Variants in GANAB observed in about 807,000 individuals in gnomAD.
GANAB encodes the protein glucosidase II alpha subunit.
GANAB carries 35 observed loss-of-function variants against 129.9 expected under a neutral mutation model. That is an observed-to-expected ratio of 0.27 (90% confidence interval 0.21 to 0.36). The LOEUF is 0.36. Ranked by LOEUF, GANAB falls within the 10% of genes least tolerant of loss-of-function variation. The pLI is 1.00. For synonymous variants in GANAB, 482 were observed against 451.8 expected (o/e 1.07, Z -0.85); for missense variants, 939 against 1,221.0 (o/e 0.77, Z 3.44).
chr11:62,627,071 C>G lies in GANAB; in HGVS notation c.2299G>C (p.Val767Leu), dbSNP rs1020057727. ...VSDSGAHGVQ[V>L]YLPGQGEVWY... ...ACCTCCCCTTGGCCAGGCAGATAGACCTGGACACCATGGGCTCCAGAGTCT... is the reference window on the plus strand; with the variant it reads ...ACCTCCCCTTGGCCAGGCAGATAGAGCTGGACACCATGGGCTCCAGAGTCT... Residue 767 changes from valine (V) to leucine (L), a missense_variant, in exon 19 of 24, where the codon GTC (valine) becomes CTC (leucine). By Grantham distance (32) the Val-to-Leu change is conservative (BLOSUM62 1). Transcript: ENST00000356638. 3.3e-5 allele frequency: 54 copies of G among 1,613,842 alleles called. No homozygotes were observed. Among genetic ancestry groups the G allele is most frequent in the Non-Finnish European group, 4.3e-5 (51 of 1,179,852 alleles).
rs180823495 is a variant in GANAB at position 62,631,869 on chromosome 11, A to G, written c.997-686T>C. On this transcript the variant is annotated intron_variant, in intron 9 of 23. Coordinates refer to ENST00000356638, the MANE Select transcript of GANAB (RefSeq NM_198334.3). ...TGGCCTCAAGCGATCCTCTTGCCTC[A>G]GCCTCCCCAAGTGCTGGGATTACAG... 3.4e-3 allele frequency among the ~76,000 whole-genome samples: 516 copies of G among 151,920 alleles called. 2 individuals carry two copies. The highest frequency in any genetic ancestry group is 0.014 in the Middle Eastern group (4 of 294).
intron 1 of GANAB, among the ~76,000 whole-genome samples, chr11:62,642,411 A>C (rs974106962): frequency 6.6e-6 from 1 of 151,372 alleles, no homozygotes; most frequent in Non-Finnish European, 1.5e-5. Flanking sequence ...ATTTTAACTT[A>C]ATCAGAGAGA....
chr11:62,634,243 C>G, intron 5 of GANAB: 1 of 1,091,472 alleles, frequency 9.2e-7, no homozygotes, highest in Non-Finnish European at 1.4e-6. Context: ...CACCTCCCCC[C>G]AAAGGCTAGA....
chr11:62,642,679 G>A (rs895321001), intron 1 of GANAB, among the ~76,000 whole-genome samples: 11 of 152,110 alleles, frequency 7.2e-5, no homozygotes, highest in Middle Eastern at 3.4e-3. Flanking sequence ...AGATCCGCCC[G>A]TCTCAGTCTC....
intron 19 of GANAB, 49 bp from the exon 20 acceptor site, chr11:62,626,983 G>A (rs759537157): frequency 1.1e-5 from 18 of 1,566,774 alleles, no homozygotes; most frequent in Non-Finnish European, 1.6e-5. Flanking sequence ...GTGCACAGGG[G>A]TCCCGTCCTG....
In GANAB at chr11:62,625,205, C is replaced by T. The variant is rs1943307402; in HGVS notation, c.*610G>A. The T allele has an allele frequency of 2.2e-6, 1 of 454,432 alleles. No homozygotes were observed. Among genetic ancestry groups the T allele is most frequent in the Non-Finnish European group, 4.4e-6 (1 of 226,770 alleles). 28.1% of individuals were successfully genotyped at this position (454,432 alleles called of 1,614,324 possible). On this transcript the variant is annotated 3_prime_UTR_variant, in exon 24 of 24. Transcript: ENST00000356638. ...CCCTCTAAGAATTGCAGCAGCTCTA[C>T]AAGGAATCGGGGAGAGGAAAAGGGT...
At position 62,629,823 on chromosome 11, in the gene GANAB, G is replaced by A. The variant is rs1327852317; in HGVS notation, c.1728C>T (p.Gly576=). 1.2e-6 allele frequency: 2 copies of A among 1,614,124 alleles called. No homozygotes were observed. Among genetic ancestry groups the A allele is most frequent in the South Asian group, 1.1e-5 (1 of 91,090 alleles). The part of the protein sequence containing the change: ...WEHRDVHNIY[G]LYVHMATADG... ...TCTCTCAGGCCCTTACCACATAAAGGCCATAGATGTTATGCACATCCCGGT... is the reference window on the plus strand; with the variant it reads ...TCTCTCAGGCCCTTACCACATAAAGACCATAGATGTTATGCACATCCCGGT... Residue 576 remains glycine (G), a synonymous_variant, in exon 14 of 24, where the codon GGC becomes GGT. Coordinates refer to ENST00000356638, the MANE Select transcript of GANAB (RefSeq NM_198334.3).
In GANAB at chr11:62,628,999, G is replaced by A. The variant is rs778913348; in HGVS notation, c.1950C>T (p.Gly650=). The change falls in exon 17 of 24, where the codon GGC becomes GGT. Residue 650 remains glycine (G), a synonymous_variant. Coordinates refer to ENST00000356638, the MANE Select transcript of GANAB (RefSeq NM_198334.3). ...GLSFCGADVG[G]FFKNPEPELL... ...GCTCTGGCTCTGGGTTTTTGAAGAA[G>A]CCACCCACATCCGCTGGTAGAGGAG... 5 of 1,612,866 alleles carry A rather than the reference G, an allele frequency of 3.1e-6. No individual in the cohort carries two copies. In the South Asian group the frequency reaches 4.4e-5, roughly 14 times the overall value.
rs544620339 is a variant in GANAB, at chr11:62,632,987, T to C, written c.815+18A>G. ...TTCCTGCCCACCTCCATCTTCCTGA[T>C]GTCACCATAGGACTCACTCAGTGAC... is the stretch of plus-strand genomic sequence containing the variant. On this transcript the variant is annotated intron_variant, in intron 8 of 23. Transcript: ENST00000356638. The C allele has an allele frequency of 6.9e-7, 1 of 1,448,898 alleles. No homozygotes were observed. The highest frequency in any genetic ancestry group is 2.3e-5 in the East Asian group (1 of 44,100). The allele number at this position is 1,448,898 out of a possible 1,614,324, so 89.8% of individuals were successfully genotyped here. A position where few individuals can be genotyped will look rare whatever the true frequency, so the allele number is the denominator to read the frequency against.
rs1178933045 is a variant in GANAB, at chr11:62,628,795, G to A, written c.2154C>T (p.Ala718=). Residue 718 remains alanine, a synonymous_variant, in exon 17 of 24, where the codon GCC becomes GCT. Transcript: ENST00000356638. The part of the protein sequence containing the change: ...LPFWYTLLYQ[A]HREGIPVMRP... ...TCATGACAGGAATGCCTTCCCGATGGGCCTGATATAAGAGGGTGTACCAGA... is the reference window on the plus strand; with the variant it reads ...TCATGACAGGAATGCCTTCCCGATGAGCCTGATATAAGAGGGTGTACCAGA... The A allele has an allele frequency of 1.9e-6, 3 of 1,613,826 alleles. No homozygotes were observed. Among genetic ancestry groups the A allele is most frequent in the African/African-American group, 2.7e-5 (2 of 74,866 alleles).
intron 4 of GANAB, among the ~76,000 whole-genome samples, chr11:62,636,366 C>T (rs527894897): frequency 1.2e-4 from 18 of 151,912 alleles, no homozygotes; most frequent in South Asian, 2.1e-4. Context: ...TTTGGGAGGC[C>T]GAGGCAGGTG....
At chr11:62,627,713 G>A (rs1334337489) in intron 17 of GANAB, among the ~76,000 whole-genome samples, 1 of 151,958 alleles carries the variant, frequency 6.6e-6, no homozygotes, top group Non-Finnish European at 1.5e-5. Context: ...CAGCCTGGGG[G>A]ACGAGAGTGA....
rs1436997854 is a variant in GANAB, at chr11:62,625,118, T to C, written c.*697A>G. On this transcript the variant is annotated 3_prime_UTR_variant, in exon 24 of 24. Coordinates refer to ENST00000356638, the MANE Select transcript of GANAB (RefSeq NM_198334.3). Reference sequence around the variant, plus strand: ...CAAGAAGGGGGCAAAAGAAGTTTAATGCGCATCCCCTAAGAGGTGTGGAAA... The same window carrying C: ...CAAGAAGGGGGCAAAAGAAGTTTAACGCGCATCCCCTAAGAGGTGTGGAAA... 9.5e-6 allele frequency: 4 copies of C among 419,694 alleles called. No homozygotes were observed. Among genetic ancestry groups the C allele is most frequent in the African/African-American group, 4.1e-5 (2 of 48,596 alleles). The allele number at this position is 419,694 out of a possible 1,614,324, so 26.0% of individuals were successfully genotyped here. A position where few individuals can be genotyped will look rare whatever the true frequency, so the allele number is the denominator to read the frequency against.
At position 62,625,733 on chromosome 11, in the gene GANAB, G is replaced by A; in HGVS notation, c.*82C>T. On this transcript the variant is annotated 3_prime_UTR_variant, in exon 24 of 24. Coordinates refer to ENST00000356638, the MANE Select transcript of GANAB (RefSeq NM_198334.3). ...CTAGCATAAGTGAAGTCTGGGGAGGGCCGAACTCCAAGGCAGAAGAAAGAA... is the reference window on the plus strand; with the variant it reads ...CTAGCATAAGTGAAGTCTGGGGAGGACCGAACTCCAAGGCAGAAGAAAGAA... The A allele has an allele frequency of 1.1e-6, 1 of 890,012 alleles. No individual in the cohort carries two copies. Among genetic ancestry groups the A allele is most frequent in the Non-Finnish European group, 1.9e-6 (1 of 537,088 alleles). 55.1% of individuals were successfully genotyped at this position (890,012 alleles called of 1,614,324 possible).
In GANAB at chr11:62,630,001, GGAA is replaced by G. The variant is rs750147825; in HGVS notation, c.1594-47_1594-45del. On this transcript the variant is annotated intron_variant, in intron 13 of 23. Coordinates refer to ENST00000356638, the MANE Select transcript of GANAB (RefSeq NM_198334.3). ...AATGGGGACAGAAGGACAGAGGGGA[GGAA>G]GAAGACAAACAGTGTCAGAGAAGAG... The G allele has an allele frequency of 1.9e-6, 3 of 1,597,848 alleles. No homozygotes were observed. In the East Asian group the frequency reaches 6.7e-5, roughly 36 times the overall value.
chr11:62,628,634 T>C, intron 17 of GANAB, 135 bp downstream of exon 17: 2 of 885,526 alleles, frequency 2.3e-6, no homozygotes, highest in Non-Finnish European at 1.8e-6. Context: ...AAGCTCCCCT[T>C]CACTCTTGAC....
At position 62,633,464 on chromosome 11, in the gene GANAB, G is replaced by A; in HGVS notation, c.611C>T (p.Thr204Ile). ...ACTTGCCTTGTCGCCATCCCTGGGTGTTTCCTCAGGCTGGGCCCCATCGCC... is the reference window on the plus strand; with the variant it reads ...ACTTGCCTTGTCGCCATCCCTGGGTATTTCCTCAGGCTGGGCCCCATCGCC... The part of the protein sequence containing the change: ...AEGDGAQPEE[T>I]PRDGDKPEET... The change falls in exon 6 of 24, where the codon ACA becomes ATA. Residue 204 changes from threonine (T) to isoleucine (I), a missense_variant. This residue lies in a region of GANAB where 321 missense variants were observed against 329.1 expected (regional missense o/e 0.98). Coordinates refer to ENST00000356638, the MANE Select transcript of GANAB (RefSeq NM_198334.3). The A allele has an allele frequency of 1.2e-6, 2 of 1,614,004 alleles. No homozygotes were observed. The highest frequency in any genetic ancestry group is 1.1e-5 in the South Asian group (1 of 91,068).
At chr11:62,640,544 A>AAAAAAAAGG (rs1944200932) in intron 1 of GANAB, among the ~76,000 whole-genome samples, 1 of 141,222 alleles carries the variant, frequency 7.1e-6, no homozygotes, top group Admixed American at 7.2e-5. Flanking sequence ...AAAAAAAAAA[A>AAAAAAAAGG]AAAAAAGGGC....
Position 62,630,757 on chromosome 11 carries a change from C to T in GANAB, c.1230G>A (p.Leu410=). ...GATCATCAAAGCCCTGATCCACTTC[C>T]AGCACATCAGCCTCGTCCCGGTAGT... ...RWNYRDEADV[L]EVDQGFDDHN... Residue 410 remains leucine (L), a synonymous_variant, in exon 11 of 24, where the codon CTG becomes CTA. Coordinates refer to ENST00000356638, the MANE Select transcript of GANAB (RefSeq NM_198334.3). 1 of 1,614,124 alleles carries T rather than the reference C, an allele frequency of 6.2e-7. No homozygotes were observed. Among genetic ancestry groups the T allele is most frequent in the Non-Finnish European group, 8.5e-7 (1 of 1,179,984 alleles).
Sources: allele counts gnomAD v4.1 joint callset (sites outside exome capture counted in the v4.1 genomes callset), GRCh38; gene constraint gnomAD v4.1.1; regional missense constraint gnomAD v4.1.1; transcripts MANE v1.5; gene names NCBI Gene and HGNC (gene_info 2026-07-23, HGNC 2026-07-21).